Variants in UCK2 observed in about 807,000 individuals in gnomAD.
UCK2 encodes cytidine monophosphokinase 2.
UCK2 carries 6 observed loss-of-function variants against 30.8 expected under a neutral mutation model. The observed-to-expected ratio is 0.19, with a 90% CI of 0.11 to 0.38. UCK2 has a LOEUF of 0.38. Among genes scored for constraint, UCK2 ranks in the 10% least tolerant of loss-of-function variants. UCK2 has a pLI of 1.00. For missense variants in UCK2, 210 were observed against 339.8 expected (o/e 0.62, Z 3.00); for synonymous variants, 125 against 133.6 (o/e 0.94, Z 0.45).
intron 1 of UCK2, among the ~76,000 whole-genome samples, chr1:165,855,542 TC>T (rs1391596357): frequency 1.3e-5 from 2 of 151,504 alleles, no homozygotes; most frequent in East Asian, 3.9e-4. Flanking sequence ...GCAAGCTCCT[TC>T]TGTCTGGGCT....
chr1:165,856,406 A>AT (rs34440554), intron 1 of UCK2, among the ~76,000 whole-genome samples: 36,431 of 135,976 alleles, frequency 0.27, 5,016 homozygotes, highest in South Asian at 0.38. Context: ...GTATTAGGTG[A>AT]TTTTTTTTTT....
chr1:165,881,359 T>TTTTG (rs376009000), intron 1 of UCK2, among the ~76,000 whole-genome samples: 1 of 151,846 alleles, frequency 6.6e-6, no homozygotes, highest in African/African-American at 2.4e-5. Context: ...CAGGGTTTTT[T>TTTTG]TTTGTTTGTT....
chr1:165,828,377 G>C (rs540493489), intron 1 of UCK2, among the ~76,000 whole-genome samples: 3 of 152,202 alleles, frequency 2.0e-5, no homozygotes, highest in Admixed American at 6.5e-5. Context: ...GCCTGGTGCC[G>C]AGGGCGGAGC....
intron 4 of UCK2, 37 bp from the exon 5 acceptor site, chr1:165,903,145 C>T (rs919568782): frequency 5.1e-6 from 8 of 1,579,082 alleles, no homozygotes; most frequent in Non-Finnish European, 6.9e-6. Flanking sequence ...CTGGCTCCTA[C>T]ACCGTTTTTT....
intron 1 of UCK2, among the ~76,000 whole-genome samples, chr1:165,830,773 C>A (rs1361840844): frequency 6.6e-6 from 1 of 152,110 alleles, no homozygotes; most frequent in African/African-American, 2.4e-5. Flanking sequence ...GTGGCTCACA[C>A]CTGTAATCCT....
chr1:165,880,559 TTTTGGGGGTG>T lies in UCK2; in HGVS notation c.100-9643_100-9634del, dbSNP rs1469537327. ...AACAAGCCTAGATCCATTCAGTTTTTTTTGGGGGTGTGTGTGTGTGTGTGTGTGTGTGTGT... is the reference window on the plus strand; with the variant it reads ...AACAAGCCTAGATCCATTCAGTTTTTTGTGTGTGTGTGTGTGTGTGTGTGT... On this transcript the variant is annotated intron_variant, in intron 1 of 6. Transcript: ENST00000367879. 1.9e-3 allele frequency among the ~76,000 whole-genome samples: 164 copies of T among 86,184 alleles called. 1 individual carries two copies. In the South Asian group the frequency reaches 0.027, roughly 14 times the overall value. The allele number at this position is 86,184 out of a possible 152,430, so 56.5% of individuals were successfully genotyped here. A position where few individuals can be genotyped will look rare whatever the true frequency, so the allele number is the denominator to read the frequency against.
chr1:165,865,701 A>G (rs1655029287), intron 1 of UCK2, among the ~76,000 whole-genome samples: 1 of 152,138 alleles, frequency 6.6e-6, no homozygotes, highest in Non-Finnish European at 1.5e-5. Context: ...GGAGACAGTA[A>G]AGGAGGTCTG....
chr1:165,852,053 T>G (rs545638061), intron 1 of UCK2, among the ~76,000 whole-genome samples: 23 of 152,354 alleles, frequency 1.5e-4, no homozygotes, highest in African/African-American at 5.1e-4. Flanking sequence ...TATGTGTACA[T>G]GTGTCTTTAT....
At chr1:165,859,760 A>G (rs930440085) in intron 1 of UCK2, among the ~76,000 whole-genome samples, 1 of 152,132 alleles carries the variant, frequency 6.6e-6, no homozygotes, top group African/African-American at 2.4e-5. Context: ...GGAGAGAATC[A>G]CTTGAGCCCA....
intron 5 of UCK2, among the ~76,000 whole-genome samples, chr1:165,905,303 C>T (rs894929863): frequency 2.6e-5 from 4 of 151,926 alleles, no homozygotes; most frequent in South Asian, 2.1e-4. Context: ...GGCAACATGG[C>T]GATACCCCCT....
At position 165,909,787 on chromosome 1, in the gene UCK2, C is replaced by G. The variant is rs1431604771; in HGVS notation, c.*1964C>G. 2 of 152,400 alleles carry G rather than the reference C, an allele frequency of 1.3e-5. No homozygotes were observed. Among genetic ancestry groups the G allele is most frequent in the Non-Finnish European group, 2.9e-5 (2 of 68,162 alleles). 9.4% of individuals were successfully genotyped at this position (152,400 alleles called of 1,614,324 possible). On this transcript the variant is annotated 3_prime_UTR_variant, in exon 7 of 7. Coordinates refer to ENST00000367879, the MANE Select transcript of UCK2 (RefSeq NM_012474.5). ...GGGAATGCAGGCCTGGGTTAGTATC[C>G]TGAGGACACAGGGCCCCTGGCCTTG...
At chr1:165,890,119 G>A in intron 1 of UCK2, 85 bp from the exon 2 acceptor site, 3 of 1,468,014 alleles carry the variant, frequency 2.0e-6, no homozygotes, top group South Asian at 1.2e-5. Flanking sequence ...TGGAAGGTGT[G>A]CATCAGCTTG....
chr1:165,890,618 G>A (rs1655741762), intron 2 of UCK2, among the ~76,000 whole-genome samples: 1 of 152,134 alleles, frequency 6.6e-6, no homozygotes, highest in Non-Finnish European at 1.5e-5. Context: ...TATGAGCCTG[G>A]GACTCAAGAT....
At chr1:165,897,046 T>TG (rs1304320206) in intron 4 of UCK2, among the ~76,000 whole-genome samples, 3 of 152,076 alleles carry the variant, frequency 2.0e-5, no homozygotes. Context: ...TTGGATGTGG[T>TG]GGGGTAGGGT....
At chr1:165,901,423 G>A (rs1359027207) in intron 4 of UCK2, among the ~76,000 whole-genome samples, 4 of 152,100 alleles carry the variant, frequency 2.6e-5, no homozygotes, top group African/African-American at 7.2e-5. Context: ...CAGCCTCCCC[G>A]TTCCCTGGCC....
At chr1:165,864,377 A>T (rs560088030) in intron 1 of UCK2, among the ~76,000 whole-genome samples, 12 of 152,218 alleles carry the variant, frequency 7.9e-5, no homozygotes, top group African/African-American at 1.9e-4. Flanking sequence ...GTTTTTTTTT[A>T]AATGATATTT....
chr1:165,833,299 C>G (rs1254128782), intron 1 of UCK2, among the ~76,000 whole-genome samples: 1 of 152,170 alleles, frequency 6.6e-6, no homozygotes, highest in Non-Finnish European at 1.5e-5. Flanking sequence ...GGACCTTCTT[C>G]CCTTTCCCCC....
chr1:165,889,415 ACAT>A (rs1655704624), intron 1 of UCK2, among the ~76,000 whole-genome samples: 1 of 152,232 alleles, frequency 6.6e-6, no homozygotes, highest in Non-Finnish European at 1.5e-5. Flanking sequence ...GCCCCTCAGC[ACAT>A]CATCACCATG....
chr1:165,873,362 T>C (rs1472106763), intron 1 of UCK2, among the ~76,000 whole-genome samples: 2 of 152,220 alleles, frequency 1.3e-5, no homozygotes, highest in Admixed American at 6.5e-5. Context: ...CAAGCTACCA[T>C]GCATGCATAT....
Sources: allele counts gnomAD v4.1 joint callset (sites outside exome capture counted in the v4.1 genomes callset), GRCh38; gene constraint gnomAD v4.1.1; transcripts MANE v1.5; gene names NCBI Gene and HGNC (gene_info 2026-07-23, HGNC 2026-07-21).